The following KCNB2 variants were observed in gnomAD, a reference collection of about 807,000 sequenced individuals.
KCNB2 encodes the protein delayed rectifier potassium channel protein.
KCNB2 carries 15 observed loss-of-function variants against 61.5 expected under a neutral mutation model. The ratio of observed to expected loss-of-function variants is 0.24; its 90% confidence interval spans 0.16 to 0.38. The LOEUF (loss-of-function observed/expected upper bound fraction) is 0.38. KCNB2 is among the 10% of genes least tolerant of loss of function. The pLI is 1.00. For synonymous variants in KCNB2, 457 were observed against 446.0 expected, an observed-to-expected ratio of 1.02 and a Z score of -0.31; for missense variants, 828 against 1,125.2, an observed-to-expected ratio of 0.74 and a Z score of 3.78.
At chr8:72,926,969 C>T (rs1806662772) in intron 2 of KCNB2, among the ~76,000 whole-genome samples, 1 of 152,198 alleles carries the variant, frequency 6.6e-6, no homozygotes, top group South Asian at 2.1e-4. Flanking sequence ...ACGGCAGCAT[C>T]CTCAAGCTTT....
At chr8:72,810,117 T>C (rs146915205) in intron 2 of KCNB2, among the ~76,000 whole-genome samples, 191 of 152,138 alleles carry the variant, frequency 1.3e-3, no homozygotes, top group African/African-American at 4.1e-3. Flanking sequence ...TAAGATGCCA[T>C]GGGGAAAGAG....
At chr8:72,597,270 G>A (rs1258293884) in intron 2 of KCNB2, among the ~76,000 whole-genome samples, 2 of 151,986 alleles carry the variant, frequency 1.3e-5, no homozygotes, top group African/African-American at 4.8e-5. Context: ...TCCCTACCTC[G>A]TGATCTGCCC....
chr8:72,920,461 C>G lies in KCNB2; in HGVS notation c.580-15474C>G, dbSNP rs62518412. 1.0e-3 allele frequency among the ~76,000 whole-genome samples: 76 copies of G among 72,550 alleles called. 8 individuals are homozygous for G. Among genetic ancestry groups the G allele is most frequent in the Non-Finnish European group, 1.6e-3 (59 of 35,916 alleles). The allele number at this position is 72,550 out of a possible 152,430, so 47.6% of individuals were successfully genotyped here. On this transcript the variant is annotated intron_variant, in intron 2 of 2. Coordinates refer to ENST00000523207, the MANE Select transcript of KCNB2 (RefSeq NM_004770.3). Reference sequence around the variant, plus strand: ...CCACTATATCTATCTATCTATCTATCTATCTATCTATCTATATATATATAT... The same window carrying G: ...CCACTATATCTATCTATCTATCTATGTATCTATCTATCTATATATATATAT...
intron 1 of KCNB2, among the ~76,000 whole-genome samples, chr8:72,551,159 T>C (rs2128977323): frequency 6.6e-6 from 1 of 152,306 alleles, no homozygotes; most frequent in Middle Eastern, 3.4e-3. Flanking sequence ...CCACTATAGC[T>C]TACTAACTGG....
At chr8:72,867,029 C>A (rs570755515) in intron 2 of KCNB2, among the ~76,000 whole-genome samples, 1 of 152,214 alleles carries the variant, frequency 6.6e-6, no homozygotes, top group South Asian at 2.1e-4. Context: ...GCTCTGAGTC[C>A]CAAGGAATTT....
At chr8:72,839,946 A>G (rs1218541511) in intron 2 of KCNB2, among the ~76,000 whole-genome samples, 1 of 151,402 alleles carries the variant, frequency 6.6e-6, no homozygotes, top group South Asian at 2.1e-4. Flanking sequence ...GTTCTGGGAT[A>G]CATGTGCAGA....
intron 2 of KCNB2, chr8:72,619,464 G>A (rs187278520): frequency 8.0e-5 from 22 of 274,260 alleles, no homozygotes; most frequent in African/African-American, 3.0e-4. Flanking sequence ...TCTCTAATTC[G>A]TAGGTTCACC....
intron 2 of KCNB2, among the ~76,000 whole-genome samples, chr8:72,725,551 ATATATG>A (rs1469329606): frequency 2.7e-5 from 2 of 73,958 alleles, no homozygotes; most frequent in African/African-American, 9.8e-5. Context: ...GTGTGTATAT[ATATATG>A]TATATATGTA....
intron 2 of KCNB2, among the ~76,000 whole-genome samples, chr8:72,662,705 T>C (rs1806400541): frequency 6.6e-6 from 1 of 152,190 alleles, no homozygotes; most frequent in South Asian, 2.1e-4. Flanking sequence ...AAAACTGTGC[T>C]CTCGGTTCTT....
In KCNB2 at chr8:72,850,193, GTGTGTGTGTGTGTGTGTGTGTGTGTGTA is replaced by G. The variant is rs1263416365; in HGVS notation, c.580-85724_580-85697del. 4.7e-4 allele frequency among the ~76,000 whole-genome samples: 13 copies of G among 27,680 alleles called. No individual in the cohort carries two copies. In the South Asian group the frequency reaches 5.5e-3, roughly 12 times the overall value. The allele number at this position is 27,680 out of a possible 152,430, so 18.2% of individuals were successfully genotyped here. On this transcript the variant is annotated intron_variant, in intron 2 of 2. Transcript: ENST00000523207. ...TTTGGGTGTGTGAGTGTATGTAAGTGTGTGTGTGTGTGTGTGTGTGTGTGTGTATGTGTGTGTGTGTGTGTAAATAGAG... is the reference window on the plus strand; with the variant it reads ...TTTGGGTGTGTGAGTGTATGTAAGTGTGTGTGTGTGTGTGTGTAAATAGAG...
chr8:72,758,567 A>T (rs1239301602), intron 2 of KCNB2, among the ~76,000 whole-genome samples: 1 of 152,218 alleles, frequency 6.6e-6, no homozygotes, highest in Non-Finnish European at 1.5e-5. Flanking sequence ...TCTGAGAGTA[A>T]AATCTCCTGT....
chr8:72,578,003 A>G (rs975551412), intron 2 of KCNB2, among the ~76,000 whole-genome samples: 4 of 152,220 alleles, frequency 2.6e-5, no homozygotes, highest in African/African-American at 9.6e-5. Flanking sequence ...TTTAGTTTGT[A>G]TCTTAGAATT....
At chr8:72,819,595 A>G (rs898089969) in intron 2 of KCNB2, among the ~76,000 whole-genome samples, 2 of 152,178 alleles carry the variant, frequency 1.3e-5, no homozygotes, top group Non-Finnish European at 2.9e-5. Flanking sequence ...ATAATAATAT[A>G]ATTCCCTTAA....
chr8:72,541,244 T>C (rs1806183853), intron 1 of KCNB2, among the ~76,000 whole-genome samples: 1 of 151,848 alleles, frequency 6.6e-6, no homozygotes. Flanking sequence ...TTATAAGTAA[T>C]ACTATTTATT....
intron 2 of KCNB2, among the ~76,000 whole-genome samples, chr8:72,827,356 A>G (rs1219330350): frequency 6.6e-6 from 1 of 152,202 alleles, no homozygotes; most frequent in Non-Finnish European, 1.5e-5. Flanking sequence ...CTATCCTTTA[A>G]AATATATCAG....
chr8:72,642,535 G>T (rs929039688), intron 2 of KCNB2, among the ~76,000 whole-genome samples: 1 of 152,010 alleles, frequency 6.6e-6, no homozygotes, highest in East Asian at 1.9e-4. Context: ...TACATGACTG[G>T]GTTCATAACC....
At chr8:72,682,409 T>C (rs1806774726) in intron 2 of KCNB2, among the ~76,000 whole-genome samples, 1 of 152,064 alleles carries the variant, frequency 6.6e-6, no homozygotes, top group African/African-American at 2.4e-5. Flanking sequence ...AGTTGCTAAT[T>C]ACAATATTAA....
At chr8:72,643,845 A>G (rs1340441920) in intron 2 of KCNB2, among the ~76,000 whole-genome samples, 2 of 152,126 alleles carry the variant, frequency 1.3e-5, no homozygotes, top group African/African-American at 4.8e-5. Context: ...TTGTAAGGAA[A>G]ACACCACCCC....
rs572953662 is a variant in KCNB2 at position 72,746,888 on chromosome 8, G to A, written c.579+178575G>A. 4.0e-4 allele frequency among the ~76,000 whole-genome samples: 61 copies of A among 152,206 alleles called. 2 individuals carry two copies. The South Asian group carries it at 0.01, about 26-fold the overall frequency. ...TCAAACTAAATTTTATTGTCTTGGC[G>A]CCTCAGTTTAATACCCCTTCTCACT... On this transcript the variant is annotated intron_variant, in intron 2 of 2. Transcript: ENST00000523207.
Sources: allele counts gnomAD v4.1 joint callset (sites outside exome capture counted in the v4.1 genomes callset), GRCh38; gene constraint gnomAD v4.1.1; transcripts MANE v1.5; gene names NCBI Gene and HGNC (gene_info 2026-07-23, HGNC 2026-07-21).